Variants in CCDC141 observed in about 807,000 individuals in gnomAD.
CCDC141 encodes coiled-coil domain containing 141.
CCDC141 carries 168 observed loss-of-function variants against 181.0 expected under a neutral mutation model. The observed-to-expected ratio is 0.93, with a 90% CI of 0.82 to 1.05. The LOEUF is 1.05. CCDC141 is among the 50% of genes least tolerant of loss of function. The probability of loss-of-function intolerance (pLI) is 0.00; values close to 1 mark genes in which losing one functional copy is unlikely to be tolerated. For synonymous variants in CCDC141, 666 were observed against 642.3 expected (o/e 1.04, Z -0.56); for missense variants, 1,902 against 1,788.5 (o/e 1.06, Z -1.14).
intron 22 of CCDC141, among the ~76,000 whole-genome samples, chr2:178,843,542 C>T (rs1204299936): frequency 6.6e-6 from 1 of 152,118 alleles, no homozygotes; most frequent in Admixed American, 6.6e-5. Flanking sequence ...AGTGAATTGC[C>T]TAATTCCACC....
intron 2 of CCDC141, among the ~76,000 whole-genome samples, chr2:179,020,095 T>C (rs2042652110): frequency 6.6e-6 from 1 of 152,150 alleles, no homozygotes; most frequent in African/African-American, 2.4e-5. Context: ...GAAAATAGTT[T>C]CATATTTATT....
At chr2:178,874,516 C>T (rs576441215) in intron 12 of CCDC141, 8 of 152,232 alleles carry the variant, frequency 5.3e-5, no homozygotes, top group Admixed American at 2.0e-4. Flanking sequence ...TCTGACTGTA[C>T]AATCTTAAAC....
Position 178,868,220 on chromosome 2 carries a change from A to G in CCDC141, c.2395-15T>C, listed in dbSNP as rs1302144263. ...AGACGTCCCAGCTACAATTTAGGGC[A>G]TTAACAATTAACCTGGGTTTTATAT... On this transcript the variant is annotated splice_polypyrimidine_tract_variant and intron_variant, in intron 15 of 23. Coordinates refer to ENST00000443758, the MANE Select transcript of CCDC141 (RefSeq NM_173648.4). 5 of 1,595,322 alleles carry G rather than the reference A, an allele frequency of 3.1e-6. No homozygotes were observed. The highest frequency in any genetic ancestry group is 2.3e-5 in the East Asian group (1 of 44,374).
intron 4 of CCDC141, among the ~76,000 whole-genome samples, chr2:178,964,254 C>T (rs1158887306): frequency 4.6e-5 from 7 of 152,046 alleles, no homozygotes; most frequent in Non-Finnish European, 2.9e-5. Flanking sequence ...TTGTGAACAG[C>T]TACACGCAAA....
At chr2:179,010,118 A>G (rs528977035) in intron 2 of CCDC141, among the ~76,000 whole-genome samples, 1 of 152,170 alleles carries the variant, frequency 6.6e-6, no homozygotes, top group East Asian at 1.9e-4. Context: ...AGAATAAGAA[A>G]ATATGAACAA....
At chr2:178,926,275 T>C (rs1466748873) in intron 6 of CCDC141, among the ~76,000 whole-genome samples, 1 of 152,206 alleles carries the variant, frequency 6.6e-6, no homozygotes, top group African/African-American at 2.4e-5. Flanking sequence ...AATGAATAGG[T>C]AATATTTGAT....
intron 6 of CCDC141, among the ~76,000 whole-genome samples, chr2:178,939,692 A>G (rs545938724): frequency 6.6e-6 from 1 of 152,188 alleles, no homozygotes; most frequent in African/African-American, 2.4e-5. Flanking sequence ...GGTCATGGAT[A>G]AAAGTAAGGT....
At chr2:179,002,189 G>T in intron 2 of CCDC141, 1 of 246,518 alleles carries the variant, frequency 4.1e-6, no homozygotes, top group Non-Finnish European at 8.0e-6. Context: ...AAGAATGGAA[G>T]GATTATGTAG....
At position 178,868,145 on chromosome 2, in the gene CCDC141, C is replaced by A. The variant is rs1685935971; in HGVS notation, c.2455G>T (p.Asp819Tyr). 1 of 1,614,026 alleles carries A rather than the reference C, an allele frequency of 6.2e-7. No individual in the cohort carries two copies. The highest frequency in any genetic ancestry group is 1.3e-5 in the African/African-American group (1 of 75,058). Residue 819 changes from aspartate to tyrosine, a missense_variant, in exon 16 of 24, where the codon GAT becomes TAT. Physicochemically the swap from Asp to Tyr is radical, Grantham distance 160. Coordinates refer to ENST00000443758, the MANE Select transcript of CCDC141 (RefSeq NM_173648.4). ...EFVEQPKELG[D>Y]AHDVQIHLRC... ...AGGTGAATCTGCACATCATGGGCATCACCCAGTTCCTTCGGCTGCTCTACA... is the reference window on the plus strand; with the variant it reads ...AGGTGAATCTGCACATCATGGGCATAACCCAGTTCCTTCGGCTGCTCTACA...
intron 2 of CCDC141, among the ~76,000 whole-genome samples, chr2:179,038,044 A>G (rs984074801): frequency 7.2e-5 from 11 of 152,208 alleles, no homozygotes; most frequent in African/African-American, 2.7e-4. Flanking sequence ...CAGATACTCA[A>G]ACAGATACTC....
intron 2 of CCDC141, among the ~76,000 whole-genome samples, chr2:179,045,806 T>C (rs2043477731): frequency 6.6e-6 from 1 of 152,160 alleles, no homozygotes; most frequent in Admixed American, 6.5e-5. Context: ...AAAGAAGACA[T>C]TTATGCAGCC....
intron 7 of CCDC141, among the ~76,000 whole-genome samples, chr2:178,914,813 T>TA (rs1688370661): frequency 6.6e-6 from 1 of 152,068 alleles, no homozygotes; most frequent in East Asian, 1.9e-4. Context: ...CTTTAAATAA[T>TA]AAAATAAATT....
At chr2:179,049,595 T>TC (rs1046744087) in intron 1 of CCDC141, among the ~76,000 whole-genome samples, 1 of 151,550 alleles carries the variant, frequency 6.6e-6, no homozygotes, top group African/African-American at 2.4e-5. Context: ...TTTTCTTTTT[T>TC]TTTTTTTTTT....
Position 178,963,725 on chromosome 2 carries a change from G to A in CCDC141, c.527-2242C>T, listed in dbSNP as rs115736136. Among the ~76,000 whole-genome samples the A allele has an allele frequency of 3.8e-3, 581 of 151,968 alleles. 5 individuals are homozygous for A. Among genetic ancestry groups the A allele is most frequent in the African/African-American group, 0.013 (547 of 41,446 alleles). ...AATATATTGTAAAAAGGCATTTTGA[G>A]ATGAAAAGGAAATAATTTGAAGTAG... On this transcript the variant is annotated intron_variant, in intron 4 of 23. Coordinates refer to ENST00000443758, the MANE Select transcript of CCDC141 (RefSeq NM_173648.4).
chr2:178,821,720 C>T, the CCDC141 span, among the ~76,000 whole-genome samples: 2 of 152,146 alleles, frequency 1.3e-5, no homozygotes, highest in South Asian at 2.1e-4. Context: ...TACCATCTCA[C>T]ACCAGTTAGA....
chr2:179,023,244 G>T (rs564932812), intron 2 of CCDC141, among the ~76,000 whole-genome samples: 76 of 152,188 alleles, frequency 5.0e-4, no homozygotes, highest in African/African-American at 1.5e-3. Flanking sequence ...TTCTTTAAAG[G>T]TTTCAACTCA....
intron 2 of CCDC141, among the ~76,000 whole-genome samples, chr2:179,027,286 G>A (rs529480857): frequency 6.6e-6 from 1 of 152,236 alleles, no homozygotes; most frequent in South Asian, 2.1e-4. Flanking sequence ...CATTATGAAG[G>A]CAGGTCTTTC....
At chr2:178,974,732 A>T (rs1691044901) in intron 4 of CCDC141, among the ~76,000 whole-genome samples, 2 of 152,174 alleles carry the variant, frequency 1.3e-5, no homozygotes, top group Admixed American at 6.5e-5. Context: ...TTTCTTTAGG[A>T]TCTACCATGT....
At chr2:178,958,587 C>G (rs1318535389) in intron 5 of CCDC141, among the ~76,000 whole-genome samples, 1 of 152,192 alleles carries the variant, frequency 6.6e-6, no homozygotes, top group Non-Finnish European at 1.5e-5. Flanking sequence ...CTATACCTTA[C>G]TTTACTTATT....
Sources: allele counts gnomAD v4.1 joint callset (sites outside exome capture counted in the v4.1 genomes callset), GRCh38; gene constraint gnomAD v4.1.1; transcripts MANE v1.5; gene names NCBI Gene and HGNC (gene_info 2026-07-23, HGNC 2026-07-21).